The following CPAMD8 variants were observed in gnomAD, a reference collection of about 807,000 sequenced individuals.
The protein encoded by CPAMD8 is C3 and PZP-like alpha-2-macroglobulin domain-containing protein 8.
Under a neutral mutation model 224.7 loss-of-function variants are expected in CPAMD8, and 146 were observed. The ratio of observed to expected loss-of-function variants is 0.65; its 90% CI spans 0.57 to 0.75. The LOEUF (loss-of-function observed/expected upper bound fraction) is 0.75, where lower values mean the gene tolerates loss of function less well. CPAMD8 is among the 30% of genes least tolerant of loss of function. The pLI is 0.00. For synonymous variants in CPAMD8, 966 were observed against 1,044.6 expected, an observed-to-expected ratio of 0.92 and a Z score of 1.45; for missense variants, 2,301 against 2,537.5, an observed-to-expected ratio of 0.91 and a Z score of 2.00.
intron 11 of CPAMD8, among the ~76,000 whole-genome samples, chr19:16,994,548 T>G (rs1242499236): frequency 3.2e-5 from 4 of 123,430 alleles, no homozygotes; most frequent in African/African-American, 1.3e-4. Context: ...AGAGACAGAG[T>G]CTTGCTCTGT....
chr19:16,944,997 T>A (rs1482086094), intron 22 of CPAMD8, among the ~76,000 whole-genome samples: 1 of 152,176 alleles, frequency 6.6e-6, no homozygotes, highest in African/African-American at 2.4e-5. Flanking sequence ...GAGACATCTG[T>A]GTGTCATCTC....
intron 41 of CPAMD8, chr19:16,893,991 T>A (rs1382585765): frequency 6.1e-6 from 1 of 163,968 alleles, no homozygotes; most frequent in Non-Finnish European, 1.3e-5. Context: ...TTTTGCTAAT[T>A]TAGTCCACAT....
rs967784700 is a variant in CPAMD8 at position 16,960,464 on chromosome 19, A to T, written c.2214-2549T>A. On this transcript the variant is annotated intron_variant, in intron 18 of 41. Coordinates refer to ENST00000443236, the MANE Select transcript of CPAMD8 (RefSeq NM_015692.5). ...CTATTATATATTTGTAAAAAAAAAA[A>T]AGAGTGAGGTAAACATGCATTTACT... 4.5e-4 allele frequency among the ~76,000 whole-genome samples: 67 copies of T among 149,936 alleles called. 1 individual carries two copies. Among genetic ancestry groups the T allele is most frequent in the Non-Finnish European group, 5.2e-4 (35 of 67,208 alleles).
Position 16,997,308 on chromosome 19 carries a change from C to G in CPAMD8, c.898G>C (p.Val300Leu), listed in dbSNP as rs200535837. 10 of 1,581,970 alleles carry G rather than the reference C, an allele frequency of 6.3e-6. No homozygotes were observed. The South Asian group carries it at 9.0e-5, about 14-fold the overall frequency. The change falls in exon 11 of 42, where the codon GTG becomes CTG. Residue 300 changes from valine to leucine, a missense_variant. By Grantham distance (32) the Val-to-Leu change is conservative. Around this residue, in one of 4 missense-constraint regions of CPAMD8, gnomAD observed 301 missense variants for 406.6 expected, o/e 0.74. Transcript: ENST00000443236. Reference sequence around the variant, plus strand: ...ACGTCCGCTGGGATCATGTCCCTCACGCAGATGTCGAAGTCCCGGGAGCCG... The same window carrying G: ...ACGTCCGCTGGGATCATGTCCCTCAGGCAGATGTCGAAGTCCCGGGAGCCG... The part of the protein sequence containing the change: ...ILGSRDFDIC[V>L]RDMIPADVPE...
chr19:16,998,984 A>G (rs1599876372), intron 10 of CPAMD8, among the ~76,000 whole-genome samples: 1 of 152,334 alleles, frequency 6.6e-6, no homozygotes, highest in Middle Eastern at 3.4e-3. Flanking sequence ...GTACCAGGGA[A>G]TATGATGCAG....
rs1466471895 is a variant in CPAMD8, at chr19:16,902,793, T to C, written c.4541A>G (p.Glu1514Gly). The C allele has an allele frequency of 1.3e-6, 2 of 1,582,886 alleles. No homozygotes were observed. The highest frequency in any genetic ancestry group is 1.7e-6 in the Non-Finnish European group (2 of 1,160,660). The change falls in exon 35 of 42, where the codon GAG (glutamate) becomes GGG (glycine). Residue 1514 changes from glutamate (E) to glycine (G), a missense_variant. By Grantham distance (98) the Glu-to-Gly change is moderately conservative. Coordinates refer to ENST00000443236, the MANE Select transcript of CPAMD8 (RefSeq NM_015692.5). Reference protein sequence around the residue: ...PAFQLLVSLQEPEAQGRPPPM... With the variant: ...PAFQLLVSLQGPEAQGRPPPM... ...GGGCGGGCGTCCCTGGGCCTCAGGC[T>C]CCTGGAGGCTTACGAGCAGCTGGAA...
intron 27 of CPAMD8, among the ~76,000 whole-genome samples, chr19:16,917,006 G>A (rs1364873998): frequency 6.6e-6 from 1 of 152,182 alleles, no homozygotes; most frequent in African/African-American, 2.4e-5. Flanking sequence ...TGTGTGCTGG[G>A]AATTGTGGAA....
At chr19:16,924,040 G>C (rs1417377718) in intron 26 of CPAMD8, among the ~76,000 whole-genome samples, 2 of 152,104 alleles carry the variant, frequency 1.3e-5, no homozygotes, top group Non-Finnish European at 2.9e-5. Context: ...AGGCTGATCA[G>C]TCTATAAGCC....
chr19:16,938,356 G>C (rs1376700807), intron 23 of CPAMD8, 39 bp downstream of exon 23: 2 of 1,279,328 alleles, frequency 1.6e-6, no homozygotes, highest in Non-Finnish European at 2.2e-6. Context: ...GACCCAGCCA[G>C]GTGGCCACAC....
At chr19:17,003,583 C>T (rs1237024226) in intron 8 of CPAMD8, among the ~76,000 whole-genome samples, 4 of 151,398 alleles carry the variant, frequency 2.6e-5, no homozygotes, top group Non-Finnish European at 5.9e-5. Context: ...GAGTTCTAGA[C>T]CAGCCTGGGC....
chr19:16,994,459 T>C (rs2056059685), intron 11 of CPAMD8, among the ~76,000 whole-genome samples: 2 of 151,416 alleles, frequency 1.3e-5, no homozygotes, highest in Non-Finnish European at 1.5e-5. Context: ...GCTGTGCAGG[T>C]ATCTGGTGAC....
intron 22 of CPAMD8, among the ~76,000 whole-genome samples, chr19:16,938,903 CTT>C (rs2053786079): frequency 6.6e-6 from 1 of 152,220 alleles, no homozygotes; most frequent in Non-Finnish European, 1.5e-5. Context: ...TACCACATCT[CTT>C]GTCTCCTGTC....
At chr19:16,957,099 A>T (rs2122454936) in intron 19 of CPAMD8, among the ~76,000 whole-genome samples, 1 of 152,336 alleles carries the variant, frequency 6.6e-6, no homozygotes, top group East Asian at 1.9e-4. Flanking sequence ...AACACAGTGA[A>T]CTGGATGTGT....
intron 23 of CPAMD8, among the ~76,000 whole-genome samples, chr19:16,935,639 A>G (rs973446404): frequency 6.6e-6 from 1 of 152,184 alleles, no homozygotes; most frequent in Non-Finnish European, 1.5e-5. Flanking sequence ...TTGTTAAGTC[A>G]TTCACCTGCT....
At chr19:16,977,190 T>C (rs1179873869) in intron 15 of CPAMD8, among the ~76,000 whole-genome samples, 178 bp downstream of exon 15, 1 of 152,098 alleles carries the variant, frequency 6.6e-6, no homozygotes, top group Non-Finnish European at 1.5e-5. Flanking sequence ...GAATGCAATC[T>C]CCTTTTGTGT....
rs772030808 is a variant in CPAMD8 at position 16,980,480 on chromosome 19, C to T, written c.1585+17G>A. On this transcript the variant is annotated intron_variant, in intron 14 of 41. Transcript: ENST00000443236. Reference sequence around the variant, plus strand: ...CAGAAGGAAGAACAGGAACCTTCTCCCTGCTGCCCGGCTCACCTGTCTCAG... The same window carrying T: ...CAGAAGGAAGAACAGGAACCTTCTCTCTGCTGCCCGGCTCACCTGTCTCAG... 6.2e-6 allele frequency: 10 copies of T among 1,609,516 alleles called. No homozygotes were observed. The East Asian group carries it at 2.0e-4, about 32-fold the overall frequency.
chr19:17,009,475 A>C, intron 5 of CPAMD8, 155 bp from the exon 6 acceptor site: 3 of 1,313,092 alleles, frequency 2.3e-6, no homozygotes, highest in Non-Finnish European at 3.1e-6. Context: ...CCTAACCCCA[A>C]GTAGGGTCTT....
chr19:16,929,713 T>C (rs1002026019), intron 23 of CPAMD8, among the ~76,000 whole-genome samples: 32 of 152,020 alleles, frequency 2.1e-4, no homozygotes, highest in Admixed American at 1.9e-3. Context: ...AGATTCTCTC[T>C]CTAAAAACAA....
chr19:16,993,665 C>G (rs1599865855), intron 11 of CPAMD8, 79 bp from the exon 12 acceptor site: 2 of 1,285,386 alleles, frequency 1.6e-6, no homozygotes, highest in Non-Finnish European at 2.2e-6. Flanking sequence ...AACGCAATCC[C>G]CACTGGAATC....
Sources: allele counts gnomAD v4.1 joint callset (sites outside exome capture counted in the v4.1 genomes callset), GRCh38; gene constraint gnomAD v4.1.1; regional missense constraint gnomAD v4.1.1; transcripts MANE v1.5; gene names NCBI Gene and HGNC (gene_info 2026-07-23, HGNC 2026-07-21).